Variants in CNIH2 observed in about 807,000 individuals in gnomAD.
CNIH2 encodes protein cornichon homolog 2.
Under a neutral mutation model 22.9 loss-of-function variants are expected in CNIH2, and 8 were observed. The observed-to-expected ratio is 0.35, with a 90% CI of 0.20 to 0.63. CNIH2 has a LOEUF of 0.63. Ranked by LOEUF, CNIH2 falls within the 30% of genes least tolerant of loss-of-function variation. The pLI is 0.72. For synonymous variants in CNIH2, 74 were observed against 78.2 expected, an observed-to-expected ratio of 0.95 and a Z score of 0.28; for missense variants, 105 against 206.2, an observed-to-expected ratio of 0.51 and a Z score of 3.01.
chr11:66,282,210 G>T lies in CNIH2; in HGVS notation c.82-49G>T, dbSNP rs773251076. ...TATCCCACAGAAGGACTTGGGGGAA[G>T]GCCATAAGCTGCTGCCCCAACCCTG... On this transcript the variant is annotated intron_variant, in intron 1 of 5. Transcript: ENST00000311445. 3.0e-5 allele frequency: 45 copies of T among 1,503,906 alleles called. No homozygotes were observed. The South Asian group carries it at 4.6e-4, about 15-fold the overall frequency. 93.2% of individuals were successfully genotyped at this position (1,503,906 alleles called of 1,614,324 possible).
Position 66,282,134 on chromosome 11 carries a change from G to A in CNIH2, c.82-125G>A, listed in dbSNP as rs1857266826. The A allele has an allele frequency of 8.3e-6, 7 of 841,146 alleles. No homozygotes were observed. In the East Asian group the frequency reaches 1.8e-4, roughly 21 times the overall value. The allele number at this position is 841,146 out of a possible 1,614,324, so 52.1% of individuals were successfully genotyped here. On this transcript the variant is annotated intron_variant, in intron 1 of 5. Coordinates refer to ENST00000311445, the MANE Select transcript of CNIH2 (RefSeq NM_182553.3). Reference sequence around the variant, plus strand: ...AGGCCCTGCTCCTCCCTGGACCTCGGTTTCTCCACCTTTGCAACAAGCTCC... The same window carrying A: ...AGGCCCTGCTCCTCCCTGGACCTCGATTTCTCCACCTTTGCAACAAGCTCC...
intron 1 of CNIH2, among the ~76,000 whole-genome samples, chr11:66,279,608 T>C (rs901561360): frequency 8.5e-5 from 13 of 152,214 alleles, no homozygotes; most frequent in African/African-American, 2.6e-4. Context: ...CCATTTCCCA[T>C]AGCCCTTCCC....
In CNIH2 at chr11:66,280,378, G is replaced by A. The variant is rs537894385; in HGVS notation, c.81+1841G>A. On this transcript the variant is annotated intron_variant, in intron 1 of 5. Transcript: ENST00000311445. ...TCATTTGTCCCAAGTCTGGTTCCTC[G>A]CCGGCAAAGTGGACCTGTGCACATC... 4.6e-5 allele frequency among the ~76,000 whole-genome samples: 7 copies of A among 152,296 alleles called. No individual in the cohort carries two copies. The East Asian group carries it at 5.8e-4, about 13-fold the overall frequency.
intron 1 of CNIH2, among the ~76,000 whole-genome samples, chr11:66,279,548 C>T (rs930565266): frequency 2.0e-5 from 3 of 152,098 alleles, no homozygotes; most frequent in Non-Finnish European, 2.9e-5. Context: ...CCGCGCACAC[C>T]TCCCTGATTG....
At chr11:66,282,689 T>A in intron 2 of CNIH2, 44 bp from the exon 3 acceptor site, 2 of 1,611,588 alleles carry the variant, frequency 1.2e-6, no homozygotes, top group Non-Finnish European at 1.7e-6. Context: ...CTCCAGTACC[T>A]GCTTCTCCGC....
chr11:66,283,025 A>G lies in CNIH2; in HGVS notation c.199-10A>G, dbSNP rs769736632. ...ACCAGGCCGCTGACCTCTCACCCTCACTCCCCCAGCTGGTGGTCCCAGAAT... is the reference window on the plus strand; with the variant it reads ...ACCAGGCCGCTGACCTCTCACCCTCGCTCCCCCAGCTGGTGGTCCCAGAAT... On this transcript the variant is annotated splice_polypyrimidine_tract_variant and intron_variant, in intron 3 of 5. Coordinates refer to ENST00000311445, the MANE Select transcript of CNIH2 (RefSeq NM_182553.3). 5 of 1,607,284 alleles carry G rather than the reference A, an allele frequency of 3.1e-6. No homozygotes were observed. Among genetic ancestry groups the G allele is most frequent in the African/African-American group, 1.4e-5 (1 of 73,632 alleles).
At chr11:66,282,429 G>GGGGGGGGGGGGGGGGGGGGGGGGGC in intron 2 of CNIH2, 102 bp downstream of exon 2, 2 of 479,454 alleles carry the variant, frequency 4.2e-6, no homozygotes, top group Non-Finnish European at 8.4e-6. Flanking sequence ...GGGGTGGGGG[G>GGGGGGGGGGGGGGGGGGGGGGGGGC]CCTACGGCCA....
chr11:66,283,660 C>G lies in CNIH2; in HGVS notation c.*63C>G. 6.5e-7 allele frequency: 1 copy of G among 1,538,366 alleles called. No homozygotes were observed. Among genetic ancestry groups the G allele is most frequent in the South Asian group, 1.2e-5 (1 of 83,460 alleles). Reference sequence around the variant, plus strand: ...GGACGCCTGTGCACCCCCAGCCCTGCCCCTTGGCCGCAGAGGCCTCAGCCC... The same window carrying G: ...GGACGCCTGTGCACCCCCAGCCCTGGCCCTTGGCCGCAGAGGCCTCAGCCC... On this transcript the variant is annotated 3_prime_UTR_variant, in exon 6 of 6. Transcript: ENST00000311445.
intron 2 of CNIH2, 173 bp from the exon 3 acceptor site, chr11:66,282,560 G>A (rs1857275804): frequency 5.8e-6 from 5 of 860,926 alleles, no homozygotes; most frequent in Middle Eastern, 6.9e-4. Context: ...CGCGGGTGAA[G>A]GCCCTTCCAT....
At chr11:66,282,836 T>C in intron 3 of CNIH2, 56 bp downstream of exon 3, 1 of 1,571,410 alleles carries the variant, frequency 6.4e-7, no homozygotes, top group Non-Finnish European at 8.7e-7. Context: ...CCCCACTGTC[T>C]GTGGCCCAGA....
intron 1 of CNIH2, among the ~76,000 whole-genome samples, chr11:66,280,643 G>T (rs1783732): frequency 2.6e-5 from 4 of 152,300 alleles, no homozygotes; most frequent in South Asian, 2.1e-4. Flanking sequence ...GGGTGGGAGG[G>T]GTGACGCCCG....
intron 3 of CNIH2, 34 bp downstream of exon 3, chr11:66,282,814 G>A: frequency 6.3e-7 from 1 of 1,592,296 alleles, no homozygotes; most frequent in Non-Finnish European, 8.6e-7. Context: ...GAGGCTCCTA[G>A]CCCAGCGCTG....
rs771010222 is a variant in CNIH2 at position 66,283,526 on chromosome 11, CT to C, written c.456-43del. 3 of 1,605,748 alleles carry C rather than the reference CT, an allele frequency of 1.9e-6. No individual in the cohort carries two copies. The South Asian group carries it at 3.3e-5, about 18-fold the overall frequency. On this transcript the variant is annotated intron_variant, in intron 5 of 5. Coordinates refer to ENST00000311445, the MANE Select transcript of CNIH2 (RefSeq NM_182553.3). ...TGTGACCAGGTGGGCATCTGGGTGGCTGTGTGTGTGCAGGGCTAGGCTCACT... is the reference window on the plus strand; with the variant it reads ...TGTGACCAGGTGGGCATCTGGGTGGCGTGTGTGTGCAGGGCTAGGCTCACT...
Position 66,283,030 on chromosome 11 carries a change from C to A in CNIH2, c.199-5C>A. On this transcript the variant is annotated splice_region_variant and splice_polypyrimidine_tract_variant and intron_variant, in intron 3 of 5. Coordinates refer to ENST00000311445, the MANE Select transcript of CNIH2 (RefSeq NM_182553.3). ...GCCGCTGACCTCTCACCCTCACTCC[C>A]CCAGCTGGTGGTCCCAGAATACTCC... 1 of 1,612,518 alleles carries A rather than the reference C, an allele frequency of 6.2e-7. No individual in the cohort carries two copies. Among genetic ancestry groups the A allele is most frequent in the South Asian group, 1.1e-5 (1 of 91,052 alleles).
In CNIH2 at chr11:66,282,346, G is replaced by A; in HGVS notation, c.150+19G>A. On this transcript the variant is annotated intron_variant, in intron 2 of 5. Transcript: ENST00000311445. ...GCGGGCAGTAAGTGATACATGTGCT[G>A]TGCCGAGGTGTGTCCGTCCGTCTGT... is the stretch of plus-strand genomic sequence containing the variant. 6.2e-7 allele frequency: 1 copy of A among 1,612,916 alleles called. No homozygotes were observed. Among genetic ancestry groups the A allele is most frequent in the Admixed American group, 1.7e-5 (1 of 59,978 alleles).
chr11:66,282,619 C>A (rs1857277357), intron 2 of CNIH2, 114 bp from the exon 3 acceptor site: 2 of 1,271,396 alleles, frequency 1.6e-6, no homozygotes, highest in Non-Finnish European at 2.2e-6. Flanking sequence ...GCCGTGCCGA[C>A]AGTGCCGCAG....
intron 1 of CNIH2, among the ~76,000 whole-genome samples, chr11:66,278,920 C>T (rs1286468816): frequency 4.1e-5 from 4 of 97,554 alleles, no homozygotes; most frequent in Non-Finnish European, 9.6e-5. Flanking sequence ...CTGCTGCCCC[C>T]CCCCCCCCGC....
intron 5 of CNIH2, 49 bp from the exon 6 acceptor site, chr11:66,283,521 G>C (rs779813601): frequency 4.4e-6 from 7 of 1,606,682 alleles, no homozygotes; most frequent in Non-Finnish European, 6.0e-6. Context: ...TGGGCATCTG[G>C]GTGGCTGTGT....
At position 66,282,727 on chromosome 11, in the gene CNIH2, C is replaced by T. The variant is rs1214546901; in HGVS notation, c.151-6C>T. ...CCCCATCGCGGCCTTTTCCTTCCCC[C>T]AACAGCGCGAGCGTTTAAAAAACAT... On this transcript the variant is annotated splice_region_variant and splice_polypyrimidine_tract_variant and intron_variant, in intron 2 of 5. Transcript: ENST00000311445. 1 of 1,613,620 alleles carries T rather than the reference C, an allele frequency of 6.2e-7. No individual in the cohort carries two copies. The highest frequency in any genetic ancestry group is 8.5e-7 in the Non-Finnish European group (1 of 1,179,980).
Sources: allele counts gnomAD v4.1 joint callset (sites outside exome capture counted in the v4.1 genomes callset), GRCh38; gene constraint gnomAD v4.1.1; transcripts MANE v1.5; gene names NCBI Gene and HGNC (gene_info 2026-07-23, HGNC 2026-07-21).